Variants in CNTNAP2 observed in about 807,000 individuals in gnomAD.
The protein encoded by CNTNAP2 is contactin associated protein 2.
CNTNAP2 carries 98 observed loss-of-function variants against 155.2 expected under a neutral mutation model. That is an observed-to-expected ratio of 0.63 (90% CI 0.54 to 0.75). The LOEUF is 0.75. CNTNAP2 is among the 30% of genes least tolerant of loss of function. The pLI is 0.00. For synonymous variants in CNTNAP2, 651 were observed against 631.2 expected (o/e 1.03, Z -0.47); for missense variants, 1,727 against 1,688.1 (o/e 1.02, Z -0.40).
At chr7:146,721,403 T>C (rs1801307638) in intron 1 of CNTNAP2, among the ~76,000 whole-genome samples, 2 of 130,820 alleles carry the variant, frequency 1.5e-5, no homozygotes, top group Admixed American at 8.1e-5. Flanking sequence ...ATATACATTC[T>C]ATATATATTC....
At chr7:146,987,520 T>G (rs929412232) in intron 3 of CNTNAP2, among the ~76,000 whole-genome samples, 7 of 152,122 alleles carry the variant, frequency 4.6e-5, no homozygotes, top group Non-Finnish European at 1.0e-4. Context: ...AAGATTTGGA[T>G]GAATTAATTG....
intron 13 of CNTNAP2, among the ~76,000 whole-genome samples, chr7:147,753,686 A>G (rs1397640988): frequency 2.6e-5 from 4 of 152,198 alleles, no homozygotes; most frequent in Non-Finnish European, 5.9e-5. Flanking sequence ...TCTCTTCTTG[A>G]CATTCACTCA....
intron 2 of CNTNAP2, among the ~76,000 whole-genome samples, chr7:146,776,205 G>A (rs1309368519): frequency 6.6e-6 from 1 of 152,078 alleles, no homozygotes; most frequent in Non-Finnish European, 1.5e-5. Flanking sequence ...ATAATTCTAG[G>A]TCCCAAGAGA....
At chr7:147,727,068 T>C (rs1796656136) in intron 13 of CNTNAP2, among the ~76,000 whole-genome samples, 1 of 151,856 alleles carries the variant, frequency 6.6e-6, no homozygotes, top group Non-Finnish European at 1.5e-5. Context: ...TTGTATACAT[T>C]AATTATGTGC....
intron 5 of CNTNAP2, among the ~76,000 whole-genome samples, chr7:147,115,186 G>T (rs1049969820): frequency 2.0e-5 from 3 of 152,190 alleles, no homozygotes; most frequent in Non-Finnish European, 2.9e-5. Flanking sequence ...GCTGCTTTTA[G>T]TCAGATGGGC....
At chr7:146,936,916 G>C (rs150339260) in intron 3 of CNTNAP2, among the ~76,000 whole-genome samples, 113 of 152,254 alleles carry the variant, frequency 7.4e-4, no homozygotes, top group African/African-American at 2.5e-3. Flanking sequence ...CCTGATTCAC[G>C]AAGGTTTCAT....
chr7:147,477,487 T>C (rs1425045509), intron 10 of CNTNAP2, among the ~76,000 whole-genome samples: 1 of 152,034 alleles, frequency 6.6e-6, no homozygotes, highest in Non-Finnish European at 1.5e-5. Flanking sequence ...AAAATAGCTG[T>C]TGAGTTTATT....
intron 1 of CNTNAP2, among the ~76,000 whole-genome samples, chr7:146,479,447 T>C (rs1394120388): frequency 2.0e-5 from 3 of 152,212 alleles, no homozygotes; most frequent in African/African-American, 4.8e-5. Context: ...TCATATTAGC[T>C]ATATCACATA....
intron 1 of CNTNAP2, among the ~76,000 whole-genome samples, chr7:146,130,039 A>G (rs1797691907): frequency 6.6e-6 from 1 of 152,214 alleles, no homozygotes; most frequent in South Asian, 2.1e-4. Flanking sequence ...CACTTTGATG[A>G]GGAGATATTT....
intron 20 of CNTNAP2, among the ~76,000 whole-genome samples, chr7:148,234,204 G>A (rs1329642611): frequency 2.6e-5 from 4 of 152,128 alleles, no homozygotes; most frequent in African/African-American, 9.7e-5. Flanking sequence ...GTTAGAAAGC[G>A]GTAAATGGCC....
At chr7:147,094,220 C>T (rs138973731) in intron 4 of CNTNAP2, among the ~76,000 whole-genome samples, 1 of 152,250 alleles carries the variant, frequency 6.6e-6, no homozygotes, top group Non-Finnish European at 1.5e-5. Flanking sequence ...CTGTCTGAGA[C>T]CTCATCGGAA....
intron 10 of CNTNAP2, among the ~76,000 whole-genome samples, chr7:147,419,773 T>G (rs1797258165): frequency 6.6e-6 from 1 of 152,180 alleles, no homozygotes; most frequent in Non-Finnish European, 1.5e-5. Context: ...TAATTCTTCT[T>G]GATCTGGTCC....
intron 4 of CNTNAP2, among the ~76,000 whole-genome samples, chr7:147,047,651 C>A (rs889592370): frequency 6.6e-6 from 1 of 152,176 alleles, no homozygotes; most frequent in Non-Finnish European, 1.5e-5. Context: ...AATGAAGTTA[C>A]TTAAGATCCA....
At chr7:146,828,303 A>T (rs1585110868) in intron 2 of CNTNAP2, among the ~76,000 whole-genome samples, 1 of 152,104 alleles carries the variant, frequency 6.6e-6, no homozygotes, top group Non-Finnish European at 1.5e-5. Flanking sequence ...AATAAAACAG[A>T]TGAAGCAAAA....
At chr7:148,135,272 T>C (rs1433372673) in intron 16 of CNTNAP2, among the ~76,000 whole-genome samples, 1 of 152,188 alleles carries the variant, frequency 6.6e-6, no homozygotes, top group African/African-American at 2.4e-5. Flanking sequence ...ACATGGGGCA[T>C]GATTAGATTA....
At chr7:147,389,140 A>T (rs1335710716) in intron 9 of CNTNAP2, among the ~76,000 whole-genome samples, 1 of 152,140 alleles carries the variant, frequency 6.6e-6, no homozygotes, top group East Asian at 1.9e-4. Context: ...TTTTTGACTA[A>T]GTTATTCAGG....
chr7:146,217,814 T>C (rs963108934), intron 1 of CNTNAP2, among the ~76,000 whole-genome samples: 1 of 152,150 alleles, frequency 6.6e-6, no homozygotes, highest in African/African-American at 2.4e-5. Context: ...ATATATAGAT[T>C]GTAAGAGTAT....
intron 9 of CNTNAP2, among the ~76,000 whole-genome samples, chr7:147,302,726 T>C (rs1365060247): frequency 1.3e-5 from 2 of 152,244 alleles, no homozygotes; most frequent in African/African-American, 4.8e-5. Context: ...ACATGCCTTT[T>C]AGATTCTTTT....
At chr7:146,936,128 G>A (rs928079993) in intron 3 of CNTNAP2, among the ~76,000 whole-genome samples, 1 of 152,090 alleles carries the variant, frequency 6.6e-6, no homozygotes, top group Admixed American at 6.6e-5. Context: ...TAGCATTAAG[G>A]CCCTAAAGTT....
Sources: gnomAD v4.1 joint callset for allele counts (sites outside exome capture counted in the v4.1 genomes callset) on GRCh38, gnomAD v4.1.1 for gene constraint, MANE v1.5 for transcripts, NCBI Gene and HGNC (gene_info 2026-07-23, HGNC 2026-07-21) for gene names.